The following POLR3B variants were observed in gnomAD, a reference collection of about 807,000 sequenced individuals.
The protein encoded by POLR3B is DNA-directed RNA polymerase III subunit RPC2.
In POLR3B, 96 loss-of-function variants were observed where a neutral mutation model predicts 147.4. The observed-to-expected ratio is 0.65, with a 90% CI of 0.55 to 0.77. The LOEUF is 0.77. Ranked by LOEUF, POLR3B falls within the 30% of genes least tolerant of loss-of-function variation. POLR3B has a pLI of 0.00. For missense variants in POLR3B, 1,036 were observed against 1,413.5 expected (o/e 0.73, Z 4.28); for synonymous variants, 461 against 485.9 (o/e 0.95, Z 0.67).
chr12:106,374,939 G>C (rs1565876566), intron 6 of POLR3B, among the ~76,000 whole-genome samples: 1 of 152,160 alleles, frequency 6.6e-6, no homozygotes, highest in Non-Finnish European at 1.5e-5. Flanking sequence ...TTACACGTCA[G>C]ACTTTTGGTT....
intron 27 of POLR3B, among the ~76,000 whole-genome samples, chr12:106,506,962 A>C (rs758091890): frequency 3.3e-5 from 5 of 152,290 alleles, no homozygotes; most frequent in South Asian, 2.1e-4. Flanking sequence ...AATGAAGGCT[A>C]GGTAATTAGA....
At chr12:106,378,498 A>C in intron 8 of POLR3B, 114 bp downstream of exon 8, 2 of 684,110 alleles carry the variant, frequency 2.9e-6, no homozygotes, top group South Asian at 3.7e-5. Flanking sequence ...CAGGCATTGT[A>C]ATATTTAAGC....
chr12:106,503,820 G>T (rs143609328), intron 26 of POLR3B, among the ~76,000 whole-genome samples: 1 of 152,306 alleles, frequency 6.6e-6, no homozygotes, highest in African/African-American at 2.4e-5. Flanking sequence ...TACATCATAT[G>T]ATATTATGCA....
At chr12:106,400,222 C>T (rs911167150) in intron 10 of POLR3B, among the ~76,000 whole-genome samples, 5 of 152,020 alleles carry the variant, frequency 3.3e-5, no homozygotes, top group Non-Finnish European at 5.9e-5. Context: ...CAACAAAGAT[C>T]AAAAGAGACA....
intron 19 of POLR3B, among the ~76,000 whole-genome samples, chr12:106,447,411 C>T (rs1026435166): frequency 1.3e-5 from 2 of 152,126 alleles, no homozygotes; most frequent in Non-Finnish European, 2.9e-5. Context: ...TTTTTTAAAT[C>T]TTAGGCGCTT....
chr12:106,472,019 T>A (rs11113005), intron 23 of POLR3B, among the ~76,000 whole-genome samples: 2 of 84,822 alleles, frequency 2.4e-5, no homozygotes, highest in South Asian at 4.5e-4. Flanking sequence ...CCCCTCCCCC[T>A]ACCCCACAAC....
At chr12:106,501,543 A>G in intron 26 of POLR3B, 107 bp downstream of exon 26, 1 of 721,332 alleles carries the variant, frequency 1.4e-6, no homozygotes, top group Admixed American at 2.6e-5. Context: ...TTTTCCTGAG[A>G]TGTCAAAATT....
At chr12:106,440,548 C>CTGCCT (rs2037636678) in intron 18 of POLR3B, among the ~76,000 whole-genome samples, 1 of 152,186 alleles carries the variant, frequency 6.6e-6, no homozygotes, top group Admixed American at 6.5e-5. Context: ...AGGCGTGCCT[C>CTGCCT]TGCCTTAGCA....
At chr12:106,470,163 T>G (rs2038070507) in intron 23 of POLR3B, among the ~76,000 whole-genome samples, 1 of 152,162 alleles carries the variant, frequency 6.6e-6, no homozygotes. Flanking sequence ...TCACTCTTTT[T>G]TCTCTAATCT....
intron 23 of POLR3B, among the ~76,000 whole-genome samples, chr12:106,478,825 C>G (rs1255293900): frequency 3.3e-5 from 5 of 152,130 alleles, no homozygotes; most frequent in African/African-American, 4.8e-5. Flanking sequence ...GTCCTTGTCT[C>G]TCCTCCTCAC....
At position 106,361,982 on chromosome 12, in the gene POLR3B, C is replaced by G. The variant is rs189706109; in HGVS notation, c.73-1888C>G. On this transcript the variant is annotated intron_variant, in intron 1 of 27. Coordinates refer to ENST00000228347, the MANE Select transcript of POLR3B (RefSeq NM_018082.6). ...CTTTCACTGGCAGGTAGGTCAGAGT[C>G]CTGACTATAACGGAATGAAGGAGTG... Among the ~76,000 whole-genome samples, 6 of 148,704 alleles carry G rather than the reference C, an allele frequency of 4.0e-5. No homozygotes were observed. The East Asian group carries it at 1.2e-3, about 29-fold the overall frequency.
chr12:106,503,186 T>C (rs1275424611), intron 26 of POLR3B, among the ~76,000 whole-genome samples: 2 of 152,246 alleles, frequency 1.3e-5, no homozygotes, highest in Non-Finnish European at 2.9e-5. Flanking sequence ...TTGTAAGTTA[T>C]TCATGTGTAT....
At chr12:106,367,530 C>G (rs534502472) in intron 4 of POLR3B, among the ~76,000 whole-genome samples, 1 of 152,218 alleles carries the variant, frequency 6.6e-6, no homozygotes, top group Non-Finnish European at 1.5e-5. Context: ...TCTTTCATGA[C>G]ATTGACACTT....
At chr12:106,398,442 C>G (rs1356504817) in intron 10 of POLR3B, among the ~76,000 whole-genome samples, 1 of 152,268 alleles carries the variant, frequency 6.6e-6, no homozygotes, top group Non-Finnish European at 1.5e-5. Flanking sequence ...GCAGTAACCT[C>G]TGCAGACTTA....
chr12:106,470,384 A>G (rs1592759726), intron 23 of POLR3B, among the ~76,000 whole-genome samples: 1 of 152,024 alleles, frequency 6.6e-6, no homozygotes, highest in African/African-American at 2.4e-5. Flanking sequence ...GCTTCCTCGC[A>G]ATGGGTTAGA....
intron 19 of POLR3B, among the ~76,000 whole-genome samples, chr12:106,453,736 G>C (rs913833537): frequency 2.0e-5 from 3 of 152,148 alleles, no homozygotes; most frequent in African/African-American, 7.2e-5. Flanking sequence ...GGGGAAATGA[G>C]AGAAAGGGTT....
intron 12 of POLR3B, among the ~76,000 whole-genome samples, chr12:106,413,362 C>A (rs2037254279): frequency 6.6e-6 from 1 of 152,060 alleles, no homozygotes; most frequent in Non-Finnish European, 1.5e-5. Context: ...TATTTATTAT[C>A]TCCCATCATT....
chr12:106,501,969 A>G (rs955641406), intron 26 of POLR3B, among the ~76,000 whole-genome samples: 1 of 152,296 alleles, frequency 6.6e-6, no homozygotes, highest in Middle Eastern at 3.4e-3. Flanking sequence ...CCCAAGCACA[A>G]TGTCTGTGGG....
At position 106,376,368 on chromosome 12, in the gene POLR3B, A is replaced by C. The variant is rs1404501242; in HGVS notation, c.414A>C (p.Ile138=). The part of the protein sequence containing the change: ...RNALPIGRMP[I]MLRSSNCVLT... Reference sequence around the variant, plus strand: ...GTTTTATTTTATACAGAATGCCCATAATGCTACGTAGTTCAAACTGTGTTC... The same window carrying C: ...GTTTTATTTTATACAGAATGCCCATCATGCTACGTAGTTCAAACTGTGTTC... Residue 138 remains isoleucine, a synonymous_variant, in exon 7 of 28, where the codon ATA becomes ATC. Transcript: ENST00000228347. 2 of 1,609,782 alleles carry C rather than the reference A, an allele frequency of 1.2e-6. No individual in the cohort carries two copies. Among genetic ancestry groups the C allele is most frequent in the Non-Finnish European group, 1.7e-6 (2 of 1,176,916 alleles).
Sources: gnomAD v4.1 joint callset for allele counts (sites outside exome capture counted in the v4.1 genomes callset) on GRCh38, gnomAD v4.1.1 for gene constraint, MANE v1.5 for transcripts, NCBI Gene and HGNC (gene_info 2026-07-23, HGNC 2026-07-21) for gene names.